Variants in NLRP1 observed in about 807,000 individuals in gnomAD.
The protein encoded by NLRP1 is NACHT, LRR and PYD domains-containing protein 1.
A neutral mutation model predicts 136.7 loss-of-function variants in NLRP1; 94 were observed. That is an observed-to-expected ratio of 0.69 (90% CI 0.58 to 0.82). NLRP1 has a LOEUF of 0.82. Among genes scored for constraint, NLRP1 ranks in the 40% least tolerant of loss-of-function variants. NLRP1 has a pLI of 0.00. For synonymous variants in NLRP1, 690 were observed against 725.1 expected (o/e 0.95, Z 0.78); for missense variants, 1,575 against 1,802.7 (o/e 0.87, Z 2.29).
chr17:5,534,706 A>G (rs1290383804), intron 8 of NLRP1, among the ~76,000 whole-genome samples: 1 of 152,078 alleles, frequency 6.6e-6, no homozygotes, highest in Non-Finnish European at 1.5e-5. Flanking sequence ...ACAGCAGCCA[A>G]TCTTGAAATA....
Position 5,581,796 on chromosome 17 carries a change from T to C in NLRP1, c.652+63A>G, listed in dbSNP as rs1031648765. On this transcript the variant is annotated intron_variant, in intron 3 of 16. Transcript: ENST00000572272. The stretch of plus-strand genomic sequence containing the variant: ...CCTGCCAACCTGGTCCCCAGGGGAC[T>C]CTTTGTCCATACATTTGCCTCTCCC... 9.6e-6 allele frequency: 13 copies of C among 1,350,408 alleles called. No homozygotes were observed. The Admixed American group carries it at 1.3e-4, about 14-fold the overall frequency. 83.7% of individuals were successfully genotyped at this position (1,350,408 alleles called of 1,614,324 possible).
intron 5 of NLRP1, among the ~76,000 whole-genome samples, chr17:5,547,242 T>A (rs1046815725): frequency 6.6e-6 from 1 of 151,902 alleles, no homozygotes; most frequent in African/African-American, 2.4e-5. Context: ...AGCATACATG[T>A]CCTAAGTACA....
downstream of NLRP1, among the ~76,000 whole-genome samples, chr17:5,510,910 A>G (rs1245457753): frequency 6.6e-6 from 1 of 152,114 alleles, no homozygotes; most frequent in African/African-American, 2.4e-5. Context: ...CTCAGGCTCA[A>G]AGAAGCTAAG....
At chr17:5,579,598 G>A (rs1121814) in intron 3 of NLRP1, among the ~76,000 whole-genome samples, 52,177 of 152,030 alleles carry the variant, frequency 0.34, 10,641 homozygotes, top group Non-Finnish European at 0.45. Context: ...TATACCCAAA[G>A]GAATGTAGAG....
At chr17:5,555,250 T>G (rs1465398933) in intron 4 of NLRP1, among the ~76,000 whole-genome samples, 2 of 152,202 alleles carry the variant, frequency 1.3e-5, no homozygotes, top group Non-Finnish European at 2.9e-5. Flanking sequence ...ACCTGGAAGC[T>G]CCCATCCTGT....
At chr17:5,530,058 C>T (rs1390420538) in intron 12 of NLRP1, 1 of 457,530 alleles carries the variant, frequency 2.2e-6, no homozygotes, top group Non-Finnish European at 4.4e-6. Context: ...CTTCTCCCTG[C>T]CTGTAGGAGT....
rs538962705 is a variant in NLRP1 at position 5,529,559 on chromosome 17, G to T, written c.3520+922C>A. Among the ~76,000 whole-genome samples, 32 of 151,968 alleles carry T rather than the reference G, an allele frequency of 2.1e-4. No homozygotes were observed. The East Asian group carries it at 5.0e-3, about 24-fold the overall frequency. On this transcript the variant is annotated intron_variant, in intron 12 of 16. Coordinates refer to ENST00000572272, the MANE Select transcript of NLRP1 (RefSeq NM_033004.4). ...ATTTTTGTATTTTTAGTAGAGACGG[G>T]GTTTCACTGTGTTAGCCAGGATGGT...
At position 5,521,654 on chromosome 17, in the gene NLRP1, A is replaced by G. The variant is rs747746452; in HGVS notation, c.3653T>C (p.Leu1218Pro). 1 of 1,614,048 alleles carries G rather than the reference A, an allele frequency of 6.2e-7. No homozygotes were observed. Among genetic ancestry groups the G allele is most frequent in the East Asian group, 2.2e-5 (1 of 44,882 alleles). ...CAGGGCATTATGGATCATTTTCAGG[A>G]GGACTCCCAAGGGGGAGAAGCTGGG... is the stretch of plus-strand genomic sequence containing the variant. ...ENPSFSPLGV[L>P]LKMIHNALRF... is the part of the protein sequence containing the mutation. The change falls in exon 13 of 17, where the codon CTC becomes CCC. Residue 1218 changes from leucine (L) to proline (P), a missense_variant. Leu to Pro is a moderately conservative substitution (Grantham distance 98). Transcript: ENST00000572272.
chr17:5,531,159 TATCTA>T (rs1235750960), intron 11 of NLRP1, among the ~76,000 whole-genome samples: 2 of 146,496 alleles, frequency 1.4e-5, no homozygotes, highest in African/African-American at 5.1e-5. Flanking sequence ...TCTATCTATC[TATCTA>T]ATCTATCTAA....
intron 14 of NLRP1, among the ~76,000 whole-genome samples, chr17:5,518,902 G>A (rs1471923192): frequency 1.3e-5 from 2 of 149,152 alleles, no homozygotes; most frequent in Non-Finnish European, 3.0e-5. Flanking sequence ...GCAGTGGCAC[G>A]ATCTCGGCTC....
chr17:5,511,323 T>G (rs553250579), downstream of NLRP1, among the ~76,000 whole-genome samples: 112 of 151,460 alleles, frequency 7.4e-4, no homozygotes, highest in African/African-American at 2.6e-3. Context: ...TCCCAGCTAC[T>G]CGGGAGGCTG....
At chr17:5,518,116 C>T (rs1167755446) in intron 14 of NLRP1, 4 of 474,808 alleles carry the variant, frequency 8.4e-6, no homozygotes, top group South Asian at 8.1e-5. Context: ...AAACGTAGTG[C>T]TCATAATCCT....
At chr17:5,517,706 C>T (rs774245777) in intron 15 of NLRP1, 40 bp downstream of exon 15, 1 of 1,611,254 alleles carries the variant, frequency 6.2e-7, no homozygotes, top group Non-Finnish European at 8.5e-7. Flanking sequence ...TTTTCTTTCT[C>T]CTCCCACCTC....
intron 7 of NLRP1, among the ~76,000 whole-genome samples, chr17:5,538,465 A>G (rs1317263771): frequency 6.6e-6 from 1 of 152,158 alleles, no homozygotes; most frequent in Non-Finnish European, 1.5e-5. Context: ...TTCAGACCTC[A>G]GCCTGACGTC....
exon 16 of NLRP1, chr17:5,501,831 C>T: frequency 1.9e-6 from 3 of 1,613,976 alleles, no homozygotes; most frequent in Non-Finnish European, 2.5e-6. Flanking sequence ...CTCCTGGCGT[C>T]TCTGTTGCAC....
At chr17:5,527,000 A>G (rs1037566062) in intron 12 of NLRP1, among the ~76,000 whole-genome samples, 2 of 152,244 alleles carry the variant, frequency 1.3e-5, no homozygotes, top group African/African-American at 4.8e-5. Flanking sequence ...CAGTGAGGTC[A>G]TCGTTTCCAG....
intron 12 of NLRP1, among the ~76,000 whole-genome samples, chr17:5,528,493 G>A (rs192895904): frequency 6.0e-4 from 92 of 152,236 alleles, no homozygotes; most frequent in Admixed American, 2.5e-3. Flanking sequence ...TGAGGCCCCC[G>A]GGACTCTATT....
At chr17:5,560,700 G>A (rs1489042228) in intron 3 of NLRP1, among the ~76,000 whole-genome samples, 1 of 152,146 alleles carries the variant, frequency 6.6e-6, no homozygotes, top group Non-Finnish European at 1.5e-5. Flanking sequence ...CCAGACAACC[G>A]CAGCAGCATG....
At chr17:5,579,235 A>G (rs1413537230) in intron 3 of NLRP1, among the ~76,000 whole-genome samples, 1 of 150,818 alleles carries the variant, frequency 6.6e-6, no homozygotes, top group Non-Finnish European at 1.5e-5. Context: ...TGTTGTGCAC[A>G]TGTACCCTAG....
Sources: allele counts gnomAD v4.1 joint callset (sites outside exome capture counted in the v4.1 genomes callset), GRCh38; gene constraint gnomAD v4.1.1; transcripts MANE v1.5; gene names NCBI Gene and HGNC (gene_info 2026-07-23, HGNC 2026-07-21).